COL21A1: variants seen among roughly 807,000 people sequenced by gnomAD.
COL21A1 encodes collagen alpha-1(XXI) chain.
Under a neutral mutation model 137.9 loss-of-function variants are expected in COL21A1, and 149 were observed. The observed-to-expected ratio is 1.08, with a 90% CI of 0.95 to 1.24. COL21A1 has a LOEUF of 1.24. Ranked by LOEUF, COL21A1 falls within the 50% of genes most tolerant of loss-of-function variation. The pLI is 0.00. For synonymous variants in COL21A1, 456 were observed against 391.5 expected (o/e 1.16, Z -1.95); for missense variants, 1,167 against 1,158.4 (o/e 1.01, Z -0.11).
chr6:56,071,120 C>CT (rs1394582969), intron 20 of COL21A1, among the ~76,000 whole-genome samples: 1 of 151,478 alleles, frequency 6.6e-6, no homozygotes, highest in Non-Finnish European at 1.5e-5. Flanking sequence ...GAGACATGTA[C>CT]TTTAACAGCA....
intron 28 of COL21A1, among the ~76,000 whole-genome samples, chr6:56,059,647 T>G (rs569885449): frequency 2.0e-5 from 3 of 152,096 alleles, no homozygotes; most frequent in African/African-American, 7.2e-5. Context: ...ACAAAACTTA[T>G]TTTTTCCTAT....
chr6:56,109,883 C>T (rs1771263382), intron 16 of COL21A1, among the ~76,000 whole-genome samples: 1 of 151,972 alleles, frequency 6.6e-6, no homozygotes, highest in Non-Finnish European at 1.5e-5. Flanking sequence ...AGACACACAA[C>T]ACACCTGCAA....
chr6:56,266,386 T>C (rs1008795549), intron 1 of COL21A1, among the ~76,000 whole-genome samples: 1 of 152,018 alleles, frequency 6.6e-6, no homozygotes, highest in Non-Finnish European at 1.5e-5. Flanking sequence ...CCATGATCTT[T>C]TTTGTTTTTT....
intron 1 of COL21A1, among the ~76,000 whole-genome samples, chr6:56,308,031 C>A (rs1764512517): frequency 6.6e-6 from 1 of 152,144 alleles, no homozygotes; most frequent in Non-Finnish European, 1.5e-5. Context: ...CTGCAATATG[C>A]AACAATATGC....
At chr6:56,336,035 C>T (rs1277288823) in intron 1 of COL21A1, among the ~76,000 whole-genome samples, 5 of 152,186 alleles carry the variant, frequency 3.3e-5, no homozygotes, top group Non-Finnish European at 5.9e-5. Context: ...CTAATAACAG[C>T]TAACATTTAC....
rs370992361 is a variant in COL21A1 at position 56,125,699 on chromosome 6, CAA to C, written c.1597-81_1597-80del. On this transcript the variant is annotated intron_variant, in intron 13 of 29. Coordinates refer to ENST00000244728, the MANE Select transcript of COL21A1 (RefSeq NM_030820.4). ...ATAAAGAAAAAATACAGATTATAAG[CAA>C]AAGAGTTTAATATGCCAAAAGCAAA... 106 of 950,104 alleles carry C rather than the reference CAA, an allele frequency of 1.1e-4. No individual in the cohort carries two copies. The East Asian group carries it at 2.3e-3, about 21-fold the overall frequency. 58.9% of individuals were successfully genotyped at this position (950,104 alleles called of 1,614,324 possible).
intron 10 of COL21A1, among the ~76,000 whole-genome samples, chr6:56,155,334 G>GT (rs199729446): frequency 3.3e-5 from 5 of 151,754 alleles, no homozygotes; most frequent in Non-Finnish European, 5.9e-5. Flanking sequence ...GCTAGTTGTG[G>GT]TTTTTTTTGT....
chr6:56,273,586 C>T (rs900864749), intron 1 of COL21A1, among the ~76,000 whole-genome samples: 1 of 152,112 alleles, frequency 6.6e-6, no homozygotes, highest in Non-Finnish European at 1.5e-5. Flanking sequence ...TCAGAGGCTA[C>T]TATAGACAAC....
intron 24 of COL21A1, among the ~76,000 whole-genome samples, chr6:56,063,258 A>G (rs1247998528): frequency 6.6e-6 from 1 of 152,172 alleles, no homozygotes; most frequent in African/African-American, 2.4e-5. Flanking sequence ...TAAGCCAGTG[A>G]GCTAGCTAAG....
chr6:56,373,432 C>A (rs1466142093), intron 1 of COL21A1, among the ~76,000 whole-genome samples: 1 of 151,974 alleles, frequency 6.6e-6, no homozygotes, highest in African/African-American at 2.4e-5. Flanking sequence ...TGAAACCCCG[C>A]CTCTACTAAA....
chr6:56,250,608 CTT>C (rs1473944816), upstream of COL21A1, among the ~76,000 whole-genome samples: 1 of 152,194 alleles, frequency 6.6e-6, no homozygotes, highest in Non-Finnish European at 1.5e-5. Flanking sequence ...CTAGCCAACA[CTT>C]TGATTTCAGC....
chr6:56,291,192 A>C (rs1764032861), intron 1 of COL21A1, among the ~76,000 whole-genome samples: 1 of 152,198 alleles, frequency 6.6e-6, no homozygotes, highest in South Asian at 2.1e-4. Context: ...GAGTAAAAGT[A>C]AAACTCTAAC....
Position 56,097,295 on chromosome 6 carries a change from C to A in COL21A1, c.1812+4177G>T, listed in dbSNP as rs568388596. 1.4e-4 allele frequency among the ~76,000 whole-genome samples: 22 copies of A among 152,192 alleles called. No individual in the cohort carries two copies. The South Asian group carries it at 4.6e-3, about 32-fold the overall frequency. ...TCAGTAACTCCCAGTTTTTTACCCACTAGATTTAGGAGAAAAAATTCATCT... is the reference window on the plus strand; with the variant it reads ...TCAGTAACTCCCAGTTTTTTACCCAATAGATTTAGGAGAAAAAATTCATCT... On this transcript the variant is annotated intron_variant, in intron 17 of 29. Coordinates refer to ENST00000244728, the MANE Select transcript of COL21A1 (RefSeq NM_030820.4).
chr6:56,057,526 TA>T lies in COL21A1; in HGVS notation c.*130del. The T allele has an allele frequency of 1.2e-6, 1 of 837,572 alleles. No individual in the cohort carries two copies. The highest frequency in any genetic ancestry group is 1.9e-6 in the Non-Finnish European group (1 of 532,670). 51.9% of individuals were successfully genotyped at this position (837,572 alleles called of 1,614,324 possible). On this transcript the variant is annotated 3_prime_UTR_variant, in exon 30 of 30. Coordinates refer to ENST00000244728, the MANE Select transcript of COL21A1 (RefSeq NM_030820.4). ...ATGTGATCTTTTATATTTTTTTCCA[TA>T]AGAAAAAAAAAATAAAAACACCGAG...
At chr6:56,091,145 A>G (rs1292014860) in intron 17 of COL21A1, among the ~76,000 whole-genome samples, 3 of 152,216 alleles carry the variant, frequency 2.0e-5, no homozygotes, top group African/African-American at 7.2e-5. Context: ...GCAATTCATC[A>G]TTAATGTTCC....
chr6:56,297,300 TC>T (rs1162739387), intron 1 of COL21A1, among the ~76,000 whole-genome samples: 1 of 152,010 alleles, frequency 6.6e-6, no homozygotes, highest in Non-Finnish European at 1.5e-5. Flanking sequence ...AGTAAATTCC[TC>T]CCCAAAAAAA....
rs1764470824 is a variant in COL21A1, at chr6:56,306,770, G to GTAAGGAGC, written c.-39+87200_-39+87201insGCTCCTTA. 2.0e-5 allele frequency among the ~76,000 whole-genome samples: 3 copies of GTAAGGAGC among 150,338 alleles called. No homozygotes were observed. The South Asian group carries it at 6.3e-4, about 32-fold the overall frequency. ...TCCATCCAGCTTTGTTCCGTTGCTG[G>GTAAGGAGC]TGCATTCCTTTAGAGGAGGAGAGGT... On this transcript the variant is annotated intron_variant, in intron 1 of 28. Coordinates refer to the COL21A1 transcript ENST00000370819.
intron 1 of COL21A1, among the ~76,000 whole-genome samples, chr6:56,191,899 C>G (rs1778710932): frequency 6.6e-6 from 1 of 152,106 alleles, no homozygotes; most frequent in Non-Finnish European, 1.5e-5. Context: ...CCAAGACAAT[C>G]CTAAGCAAAA....
intron 1 of COL21A1, among the ~76,000 whole-genome samples, chr6:56,197,119 G>A (rs1779072651): frequency 6.6e-6 from 1 of 151,858 alleles, no homozygotes; most frequent in South Asian, 2.1e-4. Flanking sequence ...GTCAAGAAAG[G>A]ATAGTCTCTT....
Sources: gnomAD v4.1 joint callset for allele counts (sites outside exome capture counted in the v4.1 genomes callset) on GRCh38, gnomAD v4.1.1 for gene constraint, MANE v1.5 for transcripts, NCBI Gene and HGNC (gene_info 2026-07-23, HGNC 2026-07-21) for gene names.